Variants in APOL1 observed in about 807,000 individuals in gnomAD.
APOL1 encodes apolipoprotein L 1.
APOL1 carries 17 observed loss-of-function variants against 14.9 expected under a neutral mutation model. The observed-to-expected ratio is 1.14, with a 90% confidence interval of 0.78 to 1.71. The LOEUF (loss-of-function observed/expected upper bound fraction) is 1.71, where lower values mean the gene tolerates loss of function less well. Ranked by LOEUF, APOL1 falls within the 40% of genes most tolerant of loss-of-function variation. The pLI is 0.00. For missense variants in APOL1, 523 were observed against 485.9 expected (o/e 1.08, Z -0.72); for synonymous variants, 195 against 184.8 (o/e 1.05, Z -0.45).
chr22:36,265,402 T>A lies in APOL1; in HGVS notation c.566T>A (p.Leu189Gln). ...SGSLSISSGI[L>Q]TLVGMGLAPF... is the part of the protein sequence containing the mutation. Reference sequence around the variant, plus strand: ...TCTCTCAGCATTTCCTCTGGCATCCTGACCCTCGTCGGCATGGGTCTGGCA... The same window carrying A: ...TCTCTCAGCATTTCCTCTGGCATCCAGACCCTCGTCGGCATGGGTCTGGCA... The change falls in exon 6 of 6, where the codon CTG becomes CAG. Residue 189 changes from leucine (L) to glutamine (Q), a missense_variant. Transcript: ENST00000397278. The A allele has an allele frequency of 6.2e-7, 1 of 1,613,592 alleles. No individual in the cohort carries two copies. The highest frequency in any genetic ancestry group is 8.5e-7 in the Non-Finnish European group (1 of 1,179,718).
intron 1 of APOL1, 131 bp downstream of exon 1, chr22:36,253,350 A>C (rs1385382430): frequency 3.9e-6 from 1 of 258,264 alleles, no homozygotes; most frequent in African/African-American, 2.3e-5. Context: ...CCCAGGCTTG[A>C]GTCTGATTGC....
At chr22:36,256,917 G>A (rs2015899427) in intron 2 of APOL1, among the ~76,000 whole-genome samples, 166 bp from the exon 3 acceptor site, 1 of 152,210 alleles carries the variant, frequency 6.6e-6, no homozygotes, top group Non-Finnish European at 1.5e-5. Context: ...TCGCAGACAT[G>A]CAATACACAC....
At position 36,261,644 on chromosome 22, in the gene APOL1, T is replaced by G; in HGVS notation, c.236T>G (p.Val79Gly). 1 of 1,614,046 alleles carries G rather than the reference T, an allele frequency of 6.2e-7. No individual in the cohort carries two copies. The highest frequency in any genetic ancestry group is 2.2e-5 in the East Asian group (1 of 44,886). Reference sequence around the variant, plus strand: ...GCCATTAAGTATTTCAAGGAAAAAGTGAGCACACAGAATCTGCTACTCCTG... The same window carrying G: ...GCCATTAAGTATTTCAAGGAAAAAGGGAGCACACAGAATCTGCTACTCCTG... ...EDAIKYFKEKVSTQNLLLLLT... is the reference protein window; with the variant it reads ...EDAIKYFKEKGSTQNLLLLLT... The change falls in exon 5 of 6, where the codon GTG becomes GGG. Residue 79 changes from valine to glycine, a missense_variant. By Grantham distance (109) the Val-to-Gly change is moderately radical (BLOSUM62 -3). Coordinates refer to ENST00000397278, the MANE Select transcript of APOL1 (RefSeq NM_003661.4).
intron 2 of APOL1, among the ~76,000 whole-genome samples, chr22:36,256,698 C>G (rs41302583): frequency 0.037 from 5,637 of 152,322 alleles, 171 homozygotes; most frequent in Non-Finnish European, 0.058. Flanking sequence ...AGCGTGTATA[C>G]ATGACTCAAT....
chr22:36,265,623 T>C lies in APOL1; in HGVS notation c.787T>C (p.Ser263Pro), dbSNP rs188476243. 3.8e-6 allele frequency: 6 copies of C among 1,596,446 alleles called. No individual in the cohort carries two copies. In the African/African-American group the frequency reaches 6.7e-5, roughly 18 times the overall value. ...EVREFLGENI[S>P]NFLSLAGNTY... ...GAGGGAGTTTTTGGGTGAGAACATA[T>C]CCAACTTTCTTTCCTTAGCTGGCAA... The change falls in exon 6 of 6, where the codon TCC (serine) becomes CCC (proline). Residue 263 changes from serine (S) to proline (P), a missense_variant. Ser to Pro is a moderately conservative substitution (Grantham distance 74). Transcript: ENST00000397278.
rs780778161 is a variant in APOL1 at position 36,266,029 on chromosome 22, T to C, written c.1193T>C (p.Leu398Pro). ...NYKILQADQE[L>P] ...AAGATTCTGCAGGCGGACCAAGAAC[T>C]GTGACCACAGGGCAGGGCAGCCACC... The change falls in exon 6 of 6, where the codon CTG becomes CCG. Residue 398 changes from leucine to proline, a missense_variant. Leu to Pro is a moderately conservative substitution (Grantham distance 98). Coordinates refer to ENST00000397278, the MANE Select transcript of APOL1 (RefSeq NM_003661.4). The C allele has an allele frequency of 6.2e-7, 1 of 1,602,434 alleles. No homozygotes were observed. The highest frequency in any genetic ancestry group is 8.5e-7 in the Non-Finnish European group (1 of 1,173,894).
At chr22:36,262,329 G>T (rs79011803) in intron 5 of APOL1, among the ~76,000 whole-genome samples, 1 of 152,174 alleles carries the variant, frequency 6.6e-6, no homozygotes, top group Non-Finnish European at 1.5e-5. Context: ...GTTGCACAGC[G>T]CTGGGTCTCT....
In APOL1 at chr22:36,253,216, CT is replaced by C; in HGVS notation, c.-21del. On this transcript the variant is annotated splice_region_variant and 5_prime_UTR_variant, in exon 1 of 6. Coordinates refer to ENST00000397278, the MANE Select transcript of APOL1 (RefSeq NM_003661.4). ...CTCAGTCTCTGCCAGGGGAAGATTCCTTGGTAAGTTGGGGACAGTTGACCTG... is the reference window on the plus strand; with the variant it reads ...CTCAGTCTCTGCCAGGGGAAGATTCCTGGTAAGTTGGGGACAGTTGACCTG... 2.1e-6 allele frequency: 1 copy of C among 469,006 alleles called. No homozygotes were observed. The highest frequency in any genetic ancestry group is 2.3e-5 in the Admixed American group (1 of 44,270). The allele number at this position is 469,006 out of a possible 1,614,324, so 29.1% of individuals were successfully genotyped here.
chr22:36,264,899 G>C (rs1424789743), intron 5 of APOL1, among the ~76,000 whole-genome samples: 1 of 144,204 alleles, frequency 6.9e-6, no homozygotes, highest in Non-Finnish European at 1.5e-5. Flanking sequence ...TGCAAGCTCT[G>C]CCTCCCGGTT....
At chr22:36,260,671 G>A (rs2016047964) in intron 4 of APOL1, among the ~76,000 whole-genome samples, 1 of 152,182 alleles carries the variant, frequency 6.6e-6, no homozygotes, top group Non-Finnish European at 1.5e-5. Context: ...TGTGATTACA[G>A]GGAGCAGTCC....
rs768163564 is a variant in APOL1 at position 36,265,311 on chromosome 22, C to T, written c.475C>T (p.Arg159Cys). ...GCTTGAGGATAACATAAGAAGGCTC[C>T]GTGCCCTTGCAGATGGGGTTCAGAA... Reference protein sequence around the residue: ...SELEDNIRRLRALADGVQKVH... With the variant: ...SELEDNIRRLCALADGVQKVH... The change falls in exon 6 of 6, where the codon CGT (arginine) becomes TGT (cysteine). Residue 159 changes from arginine (R) to cysteine (C), a missense_variant. Transcript: ENST00000397278. 23 of 1,612,862 alleles carry T rather than the reference C, an allele frequency of 1.4e-5. No homozygotes were observed. Among genetic ancestry groups the T allele is most frequent in the Middle Eastern group, 1.6e-4 (1 of 6,082 alleles).
At chr22:36,264,095 A>G (rs2016157359) in intron 5 of APOL1, among the ~76,000 whole-genome samples, 1 of 152,152 alleles carries the variant, frequency 6.6e-6, no homozygotes, top group Non-Finnish European at 1.5e-5. Context: ...AGTGGAGAAG[A>G]GGCTCAGAAG....
rs746261971 is a variant in APOL1, at chr22:36,265,337, G to C, written c.501G>C (p.Lys167Asn). 2 of 1,611,626 alleles carry C rather than the reference G, an allele frequency of 1.2e-6. No individual in the cohort carries two copies. Among genetic ancestry groups the C allele is most frequent in the Non-Finnish European group, 1.7e-6 (2 of 1,178,564 alleles). The change falls in exon 6 of 6, where the codon AAG (lysine) becomes AAC (asparagine). Residue 167 changes from lysine to asparagine, a missense_variant. Physicochemically the swap from Lys to Asn is moderately conservative, Grantham distance 94. Transcript: ENST00000397278. ...GTGCCCTTGCAGATGGGGTTCAGAA[G>C]GTCCACAAAGGCACCACCATCGCCA... ...RLRALADGVQKVHKGTTIANV... is the reference protein window; with the variant it reads ...RLRALADGVQNVHKGTTIANV...
intron 1 of APOL1, chr22:36,253,851 T>A: frequency 7.5e-7 from 1 of 1,336,560 alleles, no homozygotes; most frequent in East Asian, 2.3e-5. Context: ...TCTGGGGTGA[T>A]GGAGAAGAAA....
At chr22:36,263,422 A>G (rs531466662) in intron 5 of APOL1, among the ~76,000 whole-genome samples, 24 of 152,362 alleles carry the variant, frequency 1.6e-4, no homozygotes, top group Non-Finnish European at 2.6e-4. Context: ...ACCACCTGCA[A>G]ATTTAAGGGG....
At chr22:36,254,601 C>T (rs1384566978) in intron 1 of APOL1, among the ~76,000 whole-genome samples, 4 of 152,126 alleles carry the variant, frequency 2.6e-5, no homozygotes, top group East Asian at 3.9e-4. Context: ...CGGTGGCTCA[C>T]GCCTGTAATC....
At chr22:36,262,302 C>T (rs1367188343) in intron 5 of APOL1, among the ~76,000 whole-genome samples, 1 of 152,118 alleles carries the variant, frequency 6.6e-6, no homozygotes, top group African/African-American at 2.4e-5. Context: ...TCCAGGATGC[C>T]GAGAGGCTGG....
Position 36,266,076 on chromosome 22 carries a change from G to C in APOL1, c.*43G>C, listed in dbSNP as rs544109054. On this transcript the variant is annotated 3_prime_UTR_variant, in exon 6 of 6. Coordinates refer to ENST00000397278, the MANE Select transcript of APOL1 (RefSeq NM_003661.4). Reference sequence around the variant, plus strand: ...CACCAGGAGAGATATGCCTGGCAGGGGCCAGGACAAAATGCAAACTTTTTT... The same window carrying C: ...CACCAGGAGAGATATGCCTGGCAGGCGCCAGGACAAAATGCAAACTTTTTT... The C allele has an allele frequency of 2.3e-5, 35 of 1,535,008 alleles. No homozygotes were observed. In the East Asian group the frequency reaches 6.8e-4, roughly 30 times the overall value.
intron 1 of APOL1, among the ~76,000 whole-genome samples, chr22:36,254,488 G>A (rs1231763433): frequency 6.6e-6 from 1 of 152,154 alleles, no homozygotes; most frequent in Non-Finnish European, 1.5e-5. Context: ...GATCACTTGA[G>A]CCCAACAGAT....
Sources: allele counts gnomAD v4.1 joint callset (sites outside exome capture counted in the v4.1 genomes callset), GRCh38; gene constraint gnomAD v4.1.1; transcripts MANE v1.5; gene names NCBI Gene and HGNC (gene_info 2026-07-23, HGNC 2026-07-21).